Variants in MYO9A observed in about 807,000 individuals in gnomAD.
The protein encoded by MYO9A is unconventional myosin-IXa.
Under a neutral mutation model 293.3 loss-of-function variants are expected in MYO9A, and 103 were observed. The observed-to-expected ratio is 0.35, with a 90% confidence interval of 0.30 to 0.41. The LOEUF (loss-of-function observed/expected upper bound fraction) is 0.41. Among genes scored for constraint, MYO9A ranks in the 10% least tolerant of loss-of-function variants. The pLI is 1.00. For missense variants in MYO9A, 2,685 were observed against 3,033.0 expected, an observed-to-expected ratio of 0.89 and a Z score of 2.69; for synonymous variants, 1,001 against 1,035.7, an observed-to-expected ratio of 0.97 and a Z score of 0.64.
chr15:71,997,114 T>C (rs1240646962), intron 9 of MYO9A, among the ~76,000 whole-genome samples: 1 of 152,122 alleles, frequency 6.6e-6, no homozygotes, highest in Non-Finnish European at 1.5e-5. Context: ...TTCCTCCAAA[T>C]GGTTCTAAAC....
At chr15:71,874,764 C>T (rs369000879) in intron 32 of MYO9A, among the ~76,000 whole-genome samples, 9 of 152,224 alleles carry the variant, frequency 5.9e-5, no homozygotes, top group South Asian at 2.1e-4. Context: ...TCCTCCCAAA[C>T]GCCTTCATAT....
intron 40 of MYO9A, 22 bp downstream of exon 40, chr15:71,830,087 C>G (rs2054657080): frequency 1.2e-6 from 2 of 1,608,394 alleles, no homozygotes; most frequent in Non-Finnish European, 1.7e-6. Flanking sequence ...AACTGTCTCT[C>G]CCCTTCCTCC....
At chr15:71,934,823 G>A (rs1291431949) in intron 17 of MYO9A, among the ~76,000 whole-genome samples, 1 of 122,738 alleles carries the variant, frequency 8.1e-6, no homozygotes, top group Non-Finnish European at 1.6e-5. Context: ...GAGAGATGGG[G>A]TCTCTATGAA....
intron 1 of MYO9A, among the ~76,000 whole-genome samples, chr15:72,063,169 T>C (rs528827548): frequency 2.0e-5 from 3 of 152,338 alleles, no homozygotes; most frequent in African/African-American, 7.2e-5. Flanking sequence ...CTTCAATAAA[T>C]GGTGCTTGGA....
chr15:71,892,894 T>C, intron 26 of MYO9A: 10 of 983,516 alleles, frequency 1.0e-5, no homozygotes, highest in Non-Finnish European at 1.3e-5. Context: ...CTGTGAAGGT[T>C]AGCTTTAGAT....
intron 1 of MYO9A, among the ~76,000 whole-genome samples, chr15:72,103,691 A>C (rs1184833687): frequency 2.6e-5 from 4 of 152,066 alleles, no homozygotes; most frequent in Admixed American, 2.6e-4. Flanking sequence ...AGAATTTCAC[A>C]AATACTGAAC....
chr15:72,013,597 T>A (rs751827067), intron 6 of MYO9A, among the ~76,000 whole-genome samples: 3 of 152,182 alleles, frequency 2.0e-5, no homozygotes. Flanking sequence ...CCCACAAACA[T>A]ACCCACCAAA....
At chr15:71,845,387 A>G (rs1054580004) in intron 39 of MYO9A, among the ~76,000 whole-genome samples, 2 of 152,194 alleles carry the variant, frequency 1.3e-5, no homozygotes, top group African/African-American at 4.8e-5. Flanking sequence ...AAGTGCAGTG[A>G]GCCGGTAGTA....
At position 71,897,630 on chromosome 15, in the gene MYO9A, T is replaced by C; in HGVS notation, c.4873A>G (p.Arg1625Gly). Residue 1625 changes from arginine (R) to glycine (G), a missense_variant, in exon 25 of 42, where the codon AGA becomes GGA. Around this residue, in one of 10 missense-constraint regions of MYO9A, gnomAD observed 1,434 missense variants for 1,497.7 expected, o/e 0.96. Coordinates refer to ENST00000356056, the MANE Select transcript of MYO9A (RefSeq NM_006901.4). ...GCTACATTCAGCTGGGTGCCCATTC[T>C]GTCTGTCTTGGATAATTCCTTGACA... ...STVKELSKTD[R>G]MGTQLNVACK... is the part of the protein sequence containing the mutation. 6.2e-7 allele frequency: 1 copy of C among 1,614,232 alleles called. No individual in the cohort carries two copies. Among genetic ancestry groups the C allele is most frequent in the Non-Finnish European group, 8.5e-7 (1 of 1,180,042 alleles).
chr15:72,023,114 T>A (rs1479204003), intron 4 of MYO9A, among the ~76,000 whole-genome samples: 1 of 151,998 alleles, frequency 6.6e-6, no homozygotes, highest in Non-Finnish European at 1.5e-5. Flanking sequence ...AAGAAATTAA[T>A]CCAAAAAGAA....
At chr15:72,018,598 A>C (rs2077408744) in intron 6 of MYO9A, among the ~76,000 whole-genome samples, 1 of 152,240 alleles carries the variant, frequency 6.6e-6, no homozygotes, top group South Asian at 2.1e-4. Context: ...TTATGTGTAA[A>C]GACTGTTGAT....
chr15:72,002,952 C>G (rs1399611143), intron 8 of MYO9A, among the ~76,000 whole-genome samples: 1 of 152,112 alleles, frequency 6.6e-6, no homozygotes, highest in East Asian at 1.9e-4. Flanking sequence ...TAGAACTGAT[C>G]AATCTAAAGT....
chr15:72,017,214 T>C (rs1432305777), intron 6 of MYO9A, among the ~76,000 whole-genome samples: 1 of 151,910 alleles, frequency 6.6e-6, no homozygotes, highest in Non-Finnish European at 1.5e-5. Context: ...GGGTATTGCC[T>C]TGTTGCTCAA....
At chr15:71,944,461 T>C (rs563988765) in intron 15 of MYO9A, among the ~76,000 whole-genome samples, 2 of 152,294 alleles carry the variant, frequency 1.3e-5, no homozygotes, top group South Asian at 4.1e-4. Context: ...TTTCTTCTAT[T>C]TTAAGACAAA....
chr15:72,088,056 T>G (rs2079797866), intron 1 of MYO9A, among the ~76,000 whole-genome samples: 1 of 152,116 alleles, frequency 6.6e-6, no homozygotes, highest in Non-Finnish European at 1.5e-5. Flanking sequence ...CATGGAAGGA[T>G]ACGGCAAACA....
intron 1 of MYO9A, among the ~76,000 whole-genome samples, chr15:72,051,511 C>G (rs1031109996): frequency 6.6e-6 from 1 of 152,148 alleles, no homozygotes; most frequent in African/African-American, 2.4e-5. Flanking sequence ...AGCTGCAGAC[C>G]CAGGCATGTC....
At chr15:72,112,526 T>G (rs1304133849) in intron 1 of MYO9A, among the ~76,000 whole-genome samples, 1 of 152,230 alleles carries the variant, frequency 6.6e-6, no homozygotes, top group African/African-American at 2.4e-5. Context: ...ATATTAAATG[T>G]ATAAAACAAA....
intron 12 of MYO9A, 90 bp downstream of exon 12, chr15:71,978,077 CTCTT>C: frequency 7.1e-7 from 1 of 1,411,316 alleles, no homozygotes; most frequent in Non-Finnish European, 9.7e-7. Flanking sequence ...AAAAATTTGG[CTCTT>C]TATTTGGTAA....
intron 1 of MYO9A, among the ~76,000 whole-genome samples, chr15:72,051,997 GGTT>G (rs2078579946): frequency 6.6e-6 from 1 of 152,186 alleles, no homozygotes; most frequent in Admixed American, 6.5e-5. Context: ...GCTCACCCAT[GGTT>G]GTCAATGAAC....
Sources: gnomAD v4.1 joint callset for allele counts (sites outside exome capture counted in the v4.1 genomes callset) on GRCh38, gnomAD v4.1.1 for gene constraint, gnomAD v4.1.1 regional missense constraint, MANE v1.5 for transcripts, NCBI Gene and HGNC (gene_info 2026-07-23, HGNC 2026-07-21) for gene names.